PRKG1: variants seen among roughly 807,000 people sequenced by gnomAD.
The protein encoded by PRKG1 is protein kinase cGMP-dependent 1.
PRKG1 carries 35 observed loss-of-function variants against 88.1 expected under a neutral mutation model. The observed-to-expected ratio is 0.40, with a 90% confidence interval of 0.30 to 0.53. PRKG1 has a LOEUF of 0.53. Among genes scored for constraint, PRKG1 ranks in the 20% least tolerant of loss-of-function variants. PRKG1 has a pLI of 0.59. For missense variants in PRKG1, 540 were observed against 839.8 expected (o/e 0.64, Z 4.41); for synonymous variants, 303 against 292.5 (o/e 1.04, Z -0.37).
intron 3 of PRKG1, among the ~76,000 whole-genome samples, chr10:51,620,430 A>C (rs1839176939): frequency 6.6e-6 from 1 of 152,102 alleles, no homozygotes; most frequent in African/African-American, 2.4e-5. Context: ...AGAGGCATGA[A>C]GAATAATTCT....
chr10:52,015,330 G>A (rs1024805533), intron 5 of PRKG1, among the ~76,000 whole-genome samples: 3 of 152,190 alleles, frequency 2.0e-5, no homozygotes, highest in Non-Finnish European at 2.9e-5. Flanking sequence ...ACCCTCTAAA[G>A]CAATAGCCTG....
chr10:52,256,890 C>T (rs1028251137), intron 10 of PRKG1, among the ~76,000 whole-genome samples: 1 of 138,880 alleles, frequency 7.2e-6, no homozygotes, highest in Non-Finnish European at 1.6e-5. Context: ...TTTCAATATC[C>T]CTTATGCTGA....
At chr10:51,783,259 G>A (rs991919126) in intron 3 of PRKG1, among the ~76,000 whole-genome samples, 9 of 151,872 alleles carry the variant, frequency 5.9e-5, no homozygotes, top group Non-Finnish European at 2.9e-5. Flanking sequence ...ATTTTCCTTA[G>A]ACCAATGGCT....
chr10:52,119,497 C>T (rs1222956164), intron 7 of PRKG1, among the ~76,000 whole-genome samples: 1 of 152,130 alleles, frequency 6.6e-6, no homozygotes, highest in Non-Finnish European at 1.5e-5. Context: ...TGCAACTTAA[C>T]ATTTTTCAAA....
chr10:51,811,771 C>A (rs931858963), intron 4 of PRKG1, among the ~76,000 whole-genome samples: 2 of 152,072 alleles, frequency 1.3e-5, no homozygotes, highest in African/African-American at 4.8e-5. Flanking sequence ...CCTAAGTTGT[C>A]ATATCCTCTA....
intron 3 of PRKG1, among the ~76,000 whole-genome samples, chr10:51,719,156 A>AAAAAAAAAAGAG (rs57226820): frequency 6.7e-6 from 1 of 150,224 alleles, no homozygotes. Context: ...TCTCAAAAAA[A>AAAAAAAAAAGAG]AGAGAGAGAG....
chr10:51,721,476 C>T (rs527568352), intron 3 of PRKG1, among the ~76,000 whole-genome samples: 2 of 152,158 alleles, frequency 1.3e-5, no homozygotes, highest in South Asian at 4.2e-4. Flanking sequence ...TGCTTCAGAG[C>T]CAGAGCCAGA....
chr10:52,098,532 C>T (rs779113240), intron 7 of PRKG1, among the ~76,000 whole-genome samples: 14 of 152,010 alleles, frequency 9.2e-5, no homozygotes, highest in Admixed American at 2.0e-4. Context: ...GTAAATAGGC[C>T]GGGCGCGGTG....
intron 5 of PRKG1, among the ~76,000 whole-genome samples, chr10:51,952,858 C>T (rs1452017456): frequency 1.3e-5 from 2 of 152,124 alleles, no homozygotes; most frequent in African/African-American, 4.8e-5. Flanking sequence ...CAGGATATAA[C>T]AAAAAGCAGT....
At chr10:52,280,300 T>G (rs1268770150) in intron 12 of PRKG1, among the ~76,000 whole-genome samples, 1 of 152,170 alleles carries the variant, frequency 6.6e-6, no homozygotes, top group South Asian at 2.1e-4. Flanking sequence ...AAACAGTTGC[T>G]TTTATTCAGA....
At chr10:51,342,152 T>C (rs1842016930) in intron 2 of PRKG1, among the ~76,000 whole-genome samples, 1 of 152,176 alleles carries the variant, frequency 6.6e-6, no homozygotes, top group Admixed American at 6.5e-5. Flanking sequence ...CCAGGCATAA[T>C]GGTAACACCT....
At chr10:52,199,949 G>T (rs904407301) in intron 9 of PRKG1, among the ~76,000 whole-genome samples, 1 of 152,112 alleles carries the variant, frequency 6.6e-6, no homozygotes, top group Non-Finnish European at 1.5e-5. Context: ...TGAACACTTG[G>T]TTTGTGCCAG....
chr10:51,922,134 A>G (rs995373977), intron 5 of PRKG1, among the ~76,000 whole-genome samples: 1 of 151,826 alleles, frequency 6.6e-6, no homozygotes, highest in African/African-American at 2.4e-5. Context: ...GTGTTTTGGT[A>G]GATCATGTCT....
chr10:52,107,761 C>T lies in PRKG1; in HGVS notation c.936-26079C>T, dbSNP rs566080049. 6.6e-5 allele frequency among the ~76,000 whole-genome samples: 10 copies of T among 152,314 alleles called. No homozygotes were observed. The South Asian group carries it at 1.2e-3, about 19-fold the overall frequency. ...TGTGTCTATGGGCCATGGATTTTCA[C>T]TACCAATGTGTCGCTTTCCAATGTT... On this transcript the variant is annotated intron_variant, in intron 7 of 17. Coordinates refer to ENST00000373980, the MANE Select transcript of PRKG1 (RefSeq NM_006258.4).
chr10:51,317,756 T>TGAG (rs1343918240), intron 2 of PRKG1, among the ~76,000 whole-genome samples: 1 of 152,202 alleles, frequency 6.6e-6, no homozygotes, highest in Non-Finnish European at 1.5e-5. Flanking sequence ...AGTTCCCTGT[T>TGAG]ACTTAACAAT....
At chr10:51,930,192 T>A (rs1842659867) in intron 5 of PRKG1, among the ~76,000 whole-genome samples, 1 of 152,180 alleles carries the variant, frequency 6.6e-6, no homozygotes, top group Admixed American at 6.5e-5. Context: ...TAGTTAAAAT[T>A]GTAGAGGCAA....
intron 3 of PRKG1, among the ~76,000 whole-genome samples, chr10:51,622,889 G>T (rs1452833703): frequency 6.6e-6 from 1 of 152,122 alleles, no homozygotes; most frequent in Non-Finnish European, 1.5e-5. Flanking sequence ...ATAGTGCTAA[G>T]ATACTATTTG....
At chr10:51,001,959 AT>A (rs11347673) in intron 1 of PRKG1, among the ~76,000 whole-genome samples, 135,897 of 152,090 alleles carry the variant, frequency 0.89, 60,864 homozygotes, top group African/African-American at 0.95. Flanking sequence ...ATGGTCTTAC[AT>A]TTTTTTCCAG....
At chr10:51,326,842 G>A (rs916628685) in intron 2 of PRKG1, among the ~76,000 whole-genome samples, 1 of 152,120 alleles carries the variant, frequency 6.6e-6, no homozygotes, top group Non-Finnish European at 1.5e-5. Context: ...TTTTTCATTA[G>A]GTTAGAATTA....
Sources: gnomAD v4.1 joint callset for allele counts (sites outside exome capture counted in the v4.1 genomes callset) on GRCh38, gnomAD v4.1.1 for gene constraint, MANE v1.5 for transcripts, NCBI Gene and HGNC (gene_info 2026-07-23, HGNC 2026-07-21) for gene names.